The following FAM217A variants were observed in gnomAD, a reference collection of about 807,000 sequenced individuals.
The protein encoded by FAM217A is protein FAM217A.
Under a neutral mutation model 18.5 loss-of-function variants are expected in FAM217A, and 13 were observed. The observed-to-expected ratio is 0.70, with a 90% CI of 0.46 to 1.12. The LOEUF (loss-of-function observed/expected upper bound fraction) is 1.12, where lower values mean the gene tolerates loss of function less well. Ranked by LOEUF, FAM217A falls within the 50% of genes most tolerant of loss-of-function variation. The pLI, the probability that FAM217A is intolerant of heterozygous loss-of-function variation, is 0.00. For synonymous variants in FAM217A, 161 were observed against 202.8 expected (o/e 0.79, Z 1.75); for missense variants, 560 against 575.4 (o/e 0.97, Z 0.27).
At chr6:4,084,912 G>A (rs1770543825) in intron 1 of FAM217A, 1 of 637,104 alleles carries the variant, frequency 1.6e-6, no homozygotes, top group African/African-American at 1.8e-5. Flanking sequence ...TGCGCTGCGG[G>A]ATCAATTTTA....
At position 4,069,270 on chromosome 6, in the gene FAM217A, G is replaced by A. The variant is rs878905198; in HGVS notation, c.953C>T (p.Thr318Ile). Residue 318 changes from threonine to isoleucine, a missense_variant, in exon 7 of 7, where the codon ACT (threonine) becomes ATT (isoleucine). Thr to Ile is a moderately conservative substitution (Grantham distance 89, BLOSUM62 -1). Coordinates refer to ENST00000274673, the MANE Select transcript of FAM217A (RefSeq NM_173563.3). The stretch of plus-strand genomic sequence containing the variant: ...AGCTTTGGAGGAAGAGGGTCGTTCA[G>A]TAACTGCTGGAGTACAGAAAGTCGT... Reference protein sequence around the residue: ...LQTTFCTPAVTERPSSSKATP... With the variant: ...LQTTFCTPAVIERPSSSKATP... 2 of 1,614,200 alleles carry A rather than the reference G, an allele frequency of 1.2e-6. No homozygotes were observed. The highest frequency in any genetic ancestry group is 2.2e-5 in the South Asian group (2 of 91,084).
Position 4,086,403 on chromosome 6 carries a change from G to A in FAM217A, c.18+607C>T, listed in dbSNP as rs576601626. 1.1e-4 allele frequency among the ~76,000 whole-genome samples: 14 copies of A among 130,076 alleles called. No homozygotes were observed. The South Asian group carries it at 3.1e-3, about 28-fold the overall frequency. 85.3% of individuals were successfully genotyped at this position (130,076 alleles called of 152,430 possible). A position where few individuals can be genotyped will look rare whatever the true frequency, so the allele number is the denominator to read the frequency against. On this transcript the variant is annotated intron_variant, in intron 1 of 8. Coordinates refer to the FAM217A transcript ENST00000639338. Reference sequence around the variant, plus strand: ...AGAGGTTGCAGTGAGCCGAGATCACGCCATTACACTCCTGCCTGGGCAACA... The same window carrying A: ...AGAGGTTGCAGTGAGCCGAGATCACACCATTACACTCCTGCCTGGGCAACA...
upstream of FAM217A, among the ~76,000 whole-genome samples, chr6:4,082,163 A>G (rs529903042): frequency 6.6e-6 from 1 of 152,158 alleles, no homozygotes; most frequent in Non-Finnish European, 1.5e-5. Flanking sequence ...GAAAGCGACA[A>G]CTTGGAAATT....
At chr6:4,071,797 G>T (rs138088525) in intron 6 of FAM217A, among the ~76,000 whole-genome samples, 18 of 152,212 alleles carry the variant, frequency 1.2e-4, no homozygotes, top group African/African-American at 3.9e-4. Context: ...AAAGTGAACT[G>T]TATCCCAGGC....
rs773135122 is a variant in FAM217A, at chr6:4,068,950, G to T, written c.1273C>A (p.Gln425Lys). The T allele has an allele frequency of 6.2e-7, 1 of 1,614,152 alleles. No homozygotes were observed. Among genetic ancestry groups the T allele is most frequent in the Non-Finnish European group, 8.5e-7 (1 of 1,180,014 alleles). Residue 425 changes from glutamine (Q) to lysine (K), a missense_variant, in exon 7 of 7, where the codon CAA (glutamine) becomes AAA (lysine). Gln to Lys is a moderately conservative substitution (Grantham distance 53). Coordinates refer to ENST00000274673, the MANE Select transcript of FAM217A (RefSeq NM_173563.3). The stretch of plus-strand genomic sequence containing the variant: ...GTGGAGACCATTTTAACCATTGATT[G>T]ATTTGTATGGCCAATAGTAGGTTTG... Reference protein sequence around the residue: ...SFKPTIGHTNQSMVKMVSTRC... With the variant: ...SFKPTIGHTNKSMVKMVSTRC...
In FAM217A at chr6:4,068,748, G is replaced by A. The variant is rs144438667; in HGVS notation, c.1475C>T (p.Ser492Leu). The A allele has an allele frequency of 2.8e-5, 45 of 1,612,766 alleles. No homozygotes were observed. In the African/African-American group the frequency reaches 3.7e-4, roughly 13 times the overall value. ...CTTATCCTTAGCAATAAGGGAAGGC[G>A]ACAAACAGTTTAGCTTCTGAATAGA... Reference protein sequence around the residue: ...PFSIQKLNCLSPSLIAKDKCC... With the variant: ...PFSIQKLNCLLPSLIAKDKCC... The change falls in exon 7 of 7, where the codon TCG (serine) becomes TTG (leucine). Residue 492 changes from serine to leucine, a missense_variant. Physicochemically the swap from Ser to Leu is moderately radical, Grantham distance 145. Transcript: ENST00000274673.
In FAM217A at chr6:4,069,393, T is replaced by A; in HGVS notation, c.830A>T (p.Asp277Val). ...SKSDNWKVTV[D>V]PAETSVEHLI... ...GTGTTCAACAGAGGTTTCTGCAGGG[T>A]CCACTGTCACTTTCCAATTGTCAGA... Residue 277 changes from aspartate to valine, a missense_variant, in exon 7 of 7, where the codon GAC becomes GTC. Physicochemically the swap from Asp to Val is radical, Grantham distance 152. Transcript: ENST00000274673. 1 of 1,614,086 alleles carries A rather than the reference T, an allele frequency of 6.2e-7. No homozygotes were observed. Among genetic ancestry groups the A allele is most frequent in the Non-Finnish European group, 8.5e-7 (1 of 1,179,992 alleles).
chr6:4,071,225 T>C (rs1769390693), intron 6 of FAM217A, among the ~76,000 whole-genome samples: 1 of 152,034 alleles, frequency 6.6e-6, no homozygotes, highest in African/African-American at 2.4e-5. Flanking sequence ...ACCTTGGAGG[T>C]AGTCTGAGAA....
intron 2 of FAM217A, 40 bp from the exon 3 acceptor site, chr6:4,074,701 A>C: frequency 7.0e-7 from 1 of 1,428,370 alleles, no homozygotes; most frequent in Non-Finnish European, 9.8e-7. Context: ...TAACATTAAG[A>C]AAACATAAAA....
intron 1 of FAM217A, chr6:4,086,921 G>A (rs1181925848): frequency 1.8e-5 from 7 of 398,676 alleles, no homozygotes; most frequent in Admixed American, 8.8e-5. Flanking sequence ...GCTTCTTACC[G>A]GGAAGGCTCC....
chr6:4,076,987 T>TA (rs1364947745), intron 2 of FAM217A, among the ~76,000 whole-genome samples: 2 of 152,204 alleles, frequency 1.3e-5, no homozygotes, highest in East Asian at 3.8e-4. Context: ...GCAAATTTCT[T>TA]AAGAGTTGGG....
At chr6:4,087,094 C>T (rs1185804207), upstream of FAM217A, 1 of 400,532 alleles carries the variant, frequency 2.5e-6, no homozygotes, top group Admixed American at 4.4e-5. Flanking sequence ...TGTAACCACT[C>T]TCTCTTGGGG....
intron 1 of FAM217A, among the ~76,000 whole-genome samples, chr6:4,085,591 A>G (rs1261668698): frequency 6.6e-6 from 1 of 152,170 alleles, no homozygotes; most frequent in Non-Finnish European, 1.5e-5. Flanking sequence ...ATGAAGGTTT[A>G]GAGGAATGCA....
intron 2 of FAM217A, among the ~76,000 whole-genome samples, chr6:4,084,220 A>C (rs540762465): frequency 6.6e-6 from 1 of 152,342 alleles, no homozygotes; most frequent in East Asian, 1.9e-4. Flanking sequence ...CTCTGCTCCC[A>C]TAGCAATGTC....
chr6:4,078,987 G>A lies in FAM217A; in HGVS notation c.-170C>T, dbSNP rs1040313719. The stretch of plus-strand genomic sequence containing the variant: ...GGCCTTCCTGCAGCGGGGGGACAAA[G>A]AGGGCGGCGGGCGGCTGGCGGCCTT... On this transcript the variant is annotated 5_prime_UTR_variant, in exon 1 of 7. Transcript: ENST00000274673. The A allele has an allele frequency of 4.1e-6, 2 of 490,844 alleles. No individual in the cohort carries two copies. Among genetic ancestry groups the A allele is most frequent in the South Asian group, 2.9e-5 (1 of 34,618 alleles). 30.4% of individuals were successfully genotyped at this position (490,844 alleles called of 1,614,324 possible).
chr6:4,078,812 G>C (rs1275500742), intron 1 of FAM217A, 40 bp downstream of exon 1: 5 of 437,456 alleles, frequency 1.1e-5, no homozygotes, highest in Non-Finnish European at 2.0e-5. Context: ...GTAGCAGGAG[G>C]GGGCTGCGGG....
intron 1 of FAM217A, among the ~76,000 whole-genome samples, chr6:4,085,311 A>AAATATATATATATATAT (rs377046907): frequency 6.8e-6 from 1 of 146,420 alleles, no homozygotes; most frequent in African/African-American, 2.5e-5. Context: ...TGTAAAAAAA[A>AAATATATATATATATAT]ATATATATAT....
intron 2 of FAM217A, among the ~76,000 whole-genome samples, chr6:4,076,346 A>T (rs1327214561): frequency 6.7e-6 from 1 of 150,004 alleles, no homozygotes; most frequent in Non-Finnish European, 1.5e-5. Context: ...AAGAAAAAAA[A>T]AAAAAAGAAT....
chr6:4,084,848 T>A (rs1286941975), intron 1 of FAM217A: 15 of 698,110 alleles, frequency 2.1e-5, no homozygotes, highest in Non-Finnish European at 7.8e-6. Flanking sequence ...TACCTAAAAG[T>A]CATGAATAAA....
Sources: allele counts gnomAD v4.1 joint callset (sites outside exome capture counted in the v4.1 genomes callset), GRCh38; gene constraint gnomAD v4.1.1; transcripts MANE v1.5; gene names NCBI Gene and HGNC (gene_info 2026-07-23, HGNC 2026-07-21).